CEP63: variants seen among roughly 807,000 people sequenced by gnomAD.
The protein encoded by CEP63 is centrosomal protein of 63 kDa.
In CEP63, 84 loss-of-function variants were observed where a neutral mutation model predicts 89.1. The ratio of observed to expected loss-of-function variants is 0.94; its 90% confidence interval spans 0.79 to 1.13. The LOEUF (loss-of-function observed/expected upper bound fraction) is 1.13. CEP63 is among the 50% of genes most tolerant of loss of function. The pLI is 0.00. For synonymous variants in CEP63, 267 were observed against 272.5 expected, an observed-to-expected ratio of 0.98 and a Z score of 0.20; for missense variants, 838 against 813.3, an observed-to-expected ratio of 1.03 and a Z score of -0.37.
At chr3:134,486,342 G>C (rs1935351804) in intron 1 of CEP63, 140 bp downstream of exon 1, 1 of 985,476 alleles carries the variant, frequency 1.0e-6, no homozygotes, top group South Asian at 4.7e-5. Flanking sequence ...GCGGCCTCAT[G>C]GCTTGCGGCC....
the CEP63 span, among the ~76,000 whole-genome samples, chr3:134,632,740 A>T: frequency 6.6e-5 from 10 of 152,000 alleles, no homozygotes; most frequent in African/African-American, 2.4e-4. Flanking sequence ...GAAGGAAGAA[A>T]ATCATAAAAA....
the CEP63 span, among the ~76,000 whole-genome samples, chr3:134,721,301 G>GTTGA: frequency 9.2e-5 from 14 of 152,112 alleles, no homozygotes; most frequent in African/African-American, 2.9e-4. Context: ...ATAAAATACA[G>GTTGA]TTGATTGTAA....
chr3:134,581,551 A>T (rs1055440554), intron 10 of CEP63, among the ~76,000 whole-genome samples: 1 of 151,970 alleles, frequency 6.6e-6, no homozygotes, highest in African/African-American at 2.4e-5. Context: ...ATTGCACTCC[A>T]GCCTGGGCAA....
rs150312420 is a variant in CEP63 at position 134,580,171 on chromosome 3, G to C, written c.1207-7287G>C. Among the ~76,000 whole-genome samples, 781 of 148,928 alleles carry C rather than the reference G, an allele frequency of 5.2e-3. 11 individuals carry two copies. Among genetic ancestry groups the C allele is most frequent in the African/African-American group, 0.018 (741 of 40,390 alleles). ...GATTGCGCCATTGCACTCCAGCCTG[G>C]GCGACAGAGTGAGACTCCACCTCAA... On this transcript the variant is annotated intron_variant, in intron 10 of 10. Transcript: ENST00000683931.
chr3:134,506,163 C>T (rs925971023), intron 2 of CEP63, among the ~76,000 whole-genome samples: 1 of 152,162 alleles, frequency 6.6e-6, no homozygotes, highest in African/African-American at 2.4e-5. Flanking sequence ...TTCTGGAAAC[C>T]TCTTTGAATC....
the CEP63 span, among the ~76,000 whole-genome samples, chr3:134,744,166 C>T: frequency 3.3e-5 from 5 of 152,000 alleles, no homozygotes; most frequent in African/African-American, 7.3e-5. Context: ...TGTAGATAGC[C>T]GGGAGGAGGT....
the CEP63 span, among the ~76,000 whole-genome samples, chr3:134,666,017 AGAGACAGAGAGAGT>A: frequency 6.6e-6 from 1 of 152,164 alleles, no homozygotes; most frequent in East Asian, 1.9e-4. Context: ...AAAGGGATCA[AGAGACAGAGAGAGT>A]GAGACAGGGA....
At chr3:134,687,515 C>G in the CEP63 span, among the ~76,000 whole-genome samples, 2 of 152,092 alleles carry the variant, frequency 1.3e-5, no homozygotes, top group Non-Finnish European at 1.5e-5. Context: ...AATCCTCACC[C>G]CCAGGGTGCC....
chr3:134,718,217 G>A, the CEP63 span, among the ~76,000 whole-genome samples: 2 of 152,182 alleles, frequency 1.3e-5, no homozygotes, highest in African/African-American at 2.4e-5. Flanking sequence ...GCACCCTTGG[G>A]AAGGAGACAC....
At chr3:134,559,011 T>G (rs931238574) in intron 13 of CEP63, 139 bp from the exon 14 acceptor site, 2 of 794,240 alleles carry the variant, frequency 2.5e-6, no homozygotes, top group Admixed American at 2.7e-5. Context: ...AGAAATCTCT[T>G]TCTGATCTGA....
chr3:134,639,882 T>G, the CEP63 span: 8 of 141,198 alleles, frequency 5.7e-5, no homozygotes, highest in African/African-American at 2.2e-4. Context: ...CCCAGGAGTT[T>G]GAGGCTGGAG....
intron 1 of CEP63, among the ~76,000 whole-genome samples, chr3:134,492,836 T>G (rs1248122636): frequency 6.6e-6 from 1 of 152,148 alleles, no homozygotes; most frequent in Non-Finnish European, 1.5e-5. Context: ...TGCCACAATG[T>G]CTAGGTTGAA....
At chr3:134,592,855 C>T in the CEP63 span, among the ~76,000 whole-genome samples, 1 of 152,076 alleles carries the variant, frequency 6.6e-6, no homozygotes, top group Non-Finnish European at 1.5e-5. Context: ...TTTTCATCTG[C>T]TCTTTTGGCT....
the CEP63 span, among the ~76,000 whole-genome samples, chr3:134,599,579 A>G: frequency 6.6e-6 from 1 of 152,266 alleles, no homozygotes; most frequent in South Asian, 2.1e-4. Flanking sequence ...AAAGAAAAGT[A>G]GGCTGATAGG....
At chr3:134,627,717 G>T in the CEP63 span, 7 of 1,575,264 alleles carry the variant, frequency 4.4e-6, no homozygotes, top group Non-Finnish European at 6.1e-6. Context: ...AAACCCATGT[G>T]CTCTCTTGAG....
At chr3:134,544,197 T>G (rs1471516958) in intron 6 of CEP63, among the ~76,000 whole-genome samples, 1 of 152,196 alleles carries the variant, frequency 6.6e-6, no homozygotes, top group Non-Finnish European at 1.5e-5. Flanking sequence ...ATTTCTAAAG[T>G]AAAATTGTGT....
chr3:134,532,578 T>G (rs910225226), intron 4 of CEP63, among the ~76,000 whole-genome samples, 200 bp from the exon 5 acceptor site: 2 of 152,190 alleles, frequency 1.3e-5, no homozygotes, highest in Admixed American at 6.5e-5. Context: ...TTTTTAAAAT[T>G]TTTTCTTTGA....
the CEP63 span, among the ~76,000 whole-genome samples, chr3:134,672,687 A>G: frequency 6.6e-6 from 1 of 152,102 alleles, no homozygotes; most frequent in Non-Finnish European, 1.5e-5. Flanking sequence ...CCTTCTCTCC[A>G]TGCTGGCTCT....
chr3:134,641,944 T>G, the CEP63 span, among the ~76,000 whole-genome samples: 6 of 152,308 alleles, frequency 3.9e-5, no homozygotes, highest in Non-Finnish European at 8.8e-5. Flanking sequence ...TCCTTTTTTT[T>G]GTGTTGAGCC....
Sources: gnomAD v4.1 joint callset for allele counts (sites outside exome capture counted in the v4.1 genomes callset) on GRCh38, gnomAD v4.1.1 for gene constraint, MANE v1.5 for transcripts, NCBI Gene and HGNC (gene_info 2026-07-23, HGNC 2026-07-21) for gene names.